Variants in DNAH14 observed in about 807,000 individuals in gnomAD.
DNAH14 encodes the protein axonemal beta dynein heavy chain 14.
In DNAH14, 478 loss-of-function variants were observed where a neutral mutation model predicts 520.9. The observed-to-expected ratio is 0.92, with a 90% CI of 0.85 to 0.99. The LOEUF (loss-of-function observed/expected upper bound fraction) is 0.99. DNAH14 is among the 50% of genes least tolerant of loss of function. The pLI, the probability that DNAH14 is intolerant of heterozygous loss-of-function variation, is 0.00. For synonymous variants in DNAH14, 1,581 were observed against 1,757.2 expected, an observed-to-expected ratio of 0.90 and a Z score of 2.51; for missense variants, 4,831 against 5,234.5, an observed-to-expected ratio of 0.92 and a Z score of 2.38.
chr1:225,126,383 G>T (rs12074718), intron 27 of DNAH14, among the ~76,000 whole-genome samples: 6,544 of 152,222 alleles, frequency 0.043, 412 homozygotes, highest in African/African-American at 0.14. Flanking sequence ...CACAATTTCA[G>T]ATCCTGTTCT....
At chr1:224,966,562 G>A (rs950197291) in intron 5 of DNAH14, among the ~76,000 whole-genome samples, 3 of 152,280 alleles carry the variant, frequency 2.0e-5, no homozygotes, top group South Asian at 4.1e-4. Context: ...AAGTGTGGGA[G>A]AGGCATTATA....
chr1:225,172,245 G>A (rs1247994548), intron 36 of DNAH14, among the ~76,000 whole-genome samples: 2 of 152,136 alleles, frequency 1.3e-5, no homozygotes, highest in Non-Finnish European at 2.9e-5. Flanking sequence ...TCAACATAGT[G>A]TTGGCAGTTC....
chr1:225,083,131 A>C (rs756370830), intron 20 of DNAH14, among the ~76,000 whole-genome samples: 86 of 152,148 alleles, frequency 5.7e-4, no homozygotes, highest in Non-Finnish European at 1.1e-3. Flanking sequence ...CTTAACATAT[A>C]TATAACTTGA....
rs1466821935 is a variant in DNAH14 at position 225,318,563 on chromosome 1, G to GA, written c.9241-19dup. On this transcript the variant is annotated intron_variant, in intron 60 of 85. Transcript: ENST00000682510. Reference sequence around the variant, plus strand: ...CTATATTGATTCATATGTGTTTGGGGACCTATATTTTTATTGCAGAAAACT... The same window carrying GA: ...CTATATTGATTCATATGTGTTTGGGGAACCTATATTTTTATTGCAGAAAACT... The GA allele has an allele frequency of 5.9e-6, 9 of 1,534,296 alleles. No individual in the cohort carries two copies. The highest frequency in any genetic ancestry group is 7.9e-6 in the Non-Finnish European group (9 of 1,140,354).
chr1:225,003,767 A>G (rs2063950443), intron 9 of DNAH14, among the ~76,000 whole-genome samples: 3 of 152,094 alleles, frequency 2.0e-5, no homozygotes, highest in Admixed American at 2.0e-4. Context: ...GATTAAATTC[A>G]CCTTAAGTAG....
chr1:225,135,656 G>T (rs60727542), intron 27 of DNAH14, among the ~76,000 whole-genome samples: 12,478 of 152,120 alleles, frequency 0.082, 1,656 homozygotes, highest in African/African-American at 0.28. Context: ...TTGGGGTAAA[G>T]AGTTCTATAT....
At chr1:225,224,908 C>T (rs576483907) in intron 41 of DNAH14, among the ~76,000 whole-genome samples, 1 of 152,318 alleles carries the variant, frequency 6.6e-6, no homozygotes, top group South Asian at 2.1e-4. Context: ...AGTCCACTCT[C>T]AAGCCCACTC....
At chr1:224,971,017 GA>G (rs2061473911) in intron 7 of DNAH14, among the ~76,000 whole-genome samples, 1 of 152,200 alleles carries the variant, frequency 6.6e-6, no homozygotes, top group Non-Finnish European at 1.5e-5. Context: ...ATATTGAGTG[GA>G]GACTAAATGT....
intron 11 of DNAH14, among the ~76,000 whole-genome samples, chr1:225,029,693 G>T (rs1344249269): frequency 1.3e-5 from 2 of 151,894 alleles, no homozygotes; most frequent in African/African-American, 4.8e-5. Context: ...TCGTTGATAG[G>T]AGTTAATGAG....
intron 34 of DNAH14, among the ~76,000 whole-genome samples, chr1:225,156,709 C>CTTTTTTTTTTT (rs71170061): frequency 1.3e-4 from 9 of 68,152 alleles, no homozygotes; most frequent in Non-Finnish European, 1.5e-4. Flanking sequence ...TCTTAAAATT[C>CTTTTTTTTTTT]TTTTTTTTTT....
intron 69 of DNAH14, among the ~76,000 whole-genome samples, chr1:225,345,641 A>G (rs2095274587): frequency 1.3e-5 from 2 of 152,200 alleles, no homozygotes; most frequent in African/African-American, 4.8e-5. Flanking sequence ...CTATGTGTAT[A>G]GTGGGTCATA....
At position 224,960,271 on chromosome 1, in the gene DNAH14, G is replaced by A; in HGVS notation, c.336G>A (p.Arg112=). The change falls in exon 4 of 86, where the codon AGG becomes AGA. Residue 112 remains arginine (R), a synonymous_variant. Coordinates refer to ENST00000682510, the MANE Select transcript of DNAH14 (RefSeq NM_001367479.1). The stretch of plus-strand genomic sequence containing the variant: ...AAACTCATGCTTGTCCAAATGTTAG[G>A]AAAGCCAGGCCTGTGTCCTATGATA... ...KDQTHACPNV[R]KARPVSYDRT... The A allele has an allele frequency of 6.2e-7, 1 of 1,610,336 alleles. No individual in the cohort carries two copies. Among genetic ancestry groups the A allele is most frequent in the Non-Finnish European group, 8.5e-7 (1 of 1,178,326 alleles).
chr1:225,207,798 A>C (rs375814135), intron 41 of DNAH14, among the ~76,000 whole-genome samples: 4 of 152,300 alleles, frequency 2.6e-5, no homozygotes, highest in African/African-American at 9.6e-5. Context: ...ATCATTATAA[A>C]TCCCTGAGGT....
rs989165792 is a variant in DNAH14, at chr1:225,082,549, G to T, written c.3137G>T (p.Gly1046Val). ...CCTACTGACCCATTGTTATTTATAG[G>T]TTTACCTAAAAGCGATATGGTAACA... ...LMHIISVLEKGLPKSDMVTHL... is the reference protein window; with the variant it reads ...LMHIISVLEKVLPKSDMVTHL... Residue 1046 changes from glycine to valine, a missense_variant and splice_region_variant, in exon 20 of 86, where the codon GGT (glycine) becomes GTT (valine). Coordinates refer to ENST00000682510, the MANE Select transcript of DNAH14 (RefSeq NM_001367479.1). The T allele has an allele frequency of 3.0e-5, 46 of 1,540,872 alleles. No homozygotes were observed. The highest frequency in any genetic ancestry group is 1.2e-4 in the Admixed American group (6 of 49,384).
intron 7 of DNAH14, among the ~76,000 whole-genome samples, chr1:224,971,164 T>A (rs1176570669): frequency 6.6e-6 from 1 of 152,206 alleles, no homozygotes; most frequent in East Asian, 1.9e-4. Flanking sequence ...TTCTCAAGAC[T>A]CTGATTCTTC....
At chr1:225,099,600 T>C (rs2075279801) in intron 22 of DNAH14, among the ~76,000 whole-genome samples, 1 of 152,054 alleles carries the variant, frequency 6.6e-6, no homozygotes, top group Non-Finnish European at 1.5e-5. Flanking sequence ...GTGCAGAAAC[T>C]GAGAAATCCT....
At chr1:225,186,254 C>T (rs960905621) in intron 37 of DNAH14, among the ~76,000 whole-genome samples, 16 of 151,540 alleles carry the variant, frequency 1.1e-4, no homozygotes, top group Non-Finnish European at 1.9e-4. Flanking sequence ...TATCCTGCTT[C>T]GAGATTATAC....
intron 8 of DNAH14, among the ~76,000 whole-genome samples, chr1:224,975,152 A>T (rs1326503858): frequency 6.6e-6 from 1 of 151,486 alleles, no homozygotes; most frequent in Non-Finnish European, 1.5e-5. Context: ...GGATTTTTGC[A>T]TCAATGTTCA....
intron 17 of DNAH14, among the ~76,000 whole-genome samples, chr1:225,074,727 C>A (rs916581845): frequency 6.6e-6 from 1 of 152,216 alleles, no homozygotes; most frequent in Non-Finnish European, 1.5e-5. Flanking sequence ...TGCTGGGGAA[C>A]CCCTTCCACC....
Sources: gnomAD v4.1 joint callset for allele counts (sites outside exome capture counted in the v4.1 genomes callset) on GRCh38, gnomAD v4.1.1 for gene constraint, MANE v1.5 for transcripts, NCBI Gene and HGNC (gene_info 2026-07-23, HGNC 2026-07-21) for gene names.